RACGAP1: variants seen among roughly 807,000 people sequenced by gnomAD.
The protein encoded by RACGAP1 is rac GTPase-activating protein 1.
In RACGAP1, 30 loss-of-function variants were observed where a neutral mutation model predicts 78.1. The observed-to-expected ratio is 0.38, with a 90% CI of 0.29 to 0.52. The LOEUF is 0.52. Ranked by LOEUF, RACGAP1 falls within the 20% of genes least tolerant of loss-of-function variation. RACGAP1 has a pLI of 0.82. For missense variants in RACGAP1, 587 were observed against 777.1 expected (o/e 0.76, Z 2.91); for synonymous variants, 231 against 264.8 (o/e 0.87, Z 1.24).
At chr12:49,992,858 C>T (rs1032377064) in intron 12 of RACGAP1, among the ~76,000 whole-genome samples, 4 of 152,174 alleles carry the variant, frequency 2.6e-5, no homozygotes, top group Admixed American at 6.5e-5. Context: ...TTTAAAAAAT[C>T]GGCCTTTGCA....
At chr12:50,011,032 C>T (rs186610649) in intron 2 of RACGAP1, among the ~76,000 whole-genome samples, 299 of 151,782 alleles carry the variant, frequency 2.0e-3, no homozygotes, top group Non-Finnish European at 3.7e-3. Context: ...GTGGGGAATT[C>T]CTAAGGATCT....
At chr12:50,032,670 G>A (rs757064111) in intron 1 of RACGAP1, among the ~76,000 whole-genome samples, 3 of 152,172 alleles carry the variant, frequency 2.0e-5, no homozygotes, top group Non-Finnish European at 2.9e-5. Context: ...AACCGGAGAA[G>A]CTTGAGAGCT....
intron 10 of RACGAP1, among the ~76,000 whole-genome samples, chr12:49,996,645 AAAAAAAAAAAAAAAAAAAAAAAAT>A: frequency 7.2e-6 from 1 of 139,066 alleles, no homozygotes; most frequent in African/African-American, 2.7e-5. Flanking sequence ...AAAAAAAAAA[AAAAAAAAAAAAAAAAAAAAAAAAT>A]GGACACAAGT....
intron 9 of RACGAP1, among the ~76,000 whole-genome samples, chr12:49,998,023 G>A (rs1395339258): frequency 2.0e-5 from 3 of 152,226 alleles, no homozygotes; most frequent in African/African-American, 7.2e-5. Context: ...CAGAAGCAAA[G>A]AGAGTTTAAG....
chr12:50,021,006 G>T, intron 1 of RACGAP1: 1 of 480,042 alleles, frequency 2.1e-6, no homozygotes, highest in Non-Finnish European at 2.7e-6. Context: ...TTCTATATCA[G>T]TACTAACTCT....
rs778585223 is a variant in RACGAP1, at chr12:49,992,574, G to A, written c.1421C>T (p.Ala474Val). The change falls in exon 13 of 17, where the codon GCT (alanine) becomes GTT (valine). Residue 474 changes from alanine to valine, a missense_variant. Coordinates refer to ENST00000312377, the MANE Select transcript of RACGAP1 (RefSeq NM_001319999.2). Reference sequence around the variant, plus strand: ...CCTCTGCAAGTGAATCATGAGGAAAGCTAATGTGTCCCTGTTGGCCTGGGG... The same window carrying A: ...CCTCTGCAAGTGAATCATGAGGAAAACTAATGTGTCCCTGTTGGCCTGGGG... ...ELPQANRDTL[A>V]FLMIHLQRVA... The A allele has an allele frequency of 1.9e-6, 3 of 1,614,078 alleles. No homozygotes were observed. In the East Asian group the frequency reaches 6.7e-5, roughly 36 times the overall value.
At chr12:50,028,711 G>A (rs995818717), upstream of RACGAP1, among the ~76,000 whole-genome samples, 2 of 152,144 alleles carry the variant, frequency 1.3e-5, no homozygotes, top group Non-Finnish European at 2.9e-5. Context: ...GGCACAGGTC[G>A]CGGTGAGCTG....
chr12:49,997,340 T>C, intron 9 of RACGAP1, 136 bp from the exon 10 acceptor site: 1 of 1,280,520 alleles, frequency 7.8e-7, no homozygotes. Flanking sequence ...AGTGGTGTGA[T>C]TTCAGCTCAC....
chr12:49,997,067 C>A lies in RACGAP1; in HGVS notation c.1017G>T (p.Leu339=), dbSNP rs774971731. The A allele has an allele frequency of 1.7e-5, 26 of 1,564,734 alleles. No individual in the cohort carries two copies. In the East Asian group the frequency reaches 6.0e-4, roughly 36 times the overall value. The change falls in exon 10 of 17, where the codon CTG becomes CTT. Residue 339 remains leucine, a synonymous_variant. Transcript: ENST00000312377. The part of the protein sequence containing the change: ...DRCPLPCIPT[L]IGTPVKIGEG... ...CTCCAATCTTGACAGGTGTTCCTAT[C>A]AGGGTAGGAATGCAGGGAAGGGGAC... is the stretch of plus-strand genomic sequence containing the variant.
chr12:49,999,439 T>C (rs949294119), intron 8 of RACGAP1, 168 bp from the exon 9 acceptor site: 2 of 1,036,530 alleles, frequency 1.9e-6, no homozygotes, highest in Non-Finnish European at 2.8e-6. Context: ...GTTATGCCAG[T>C]GGGCTAGCAA....
At chr12:49,991,479 A>ATATATATATATATATATATATATT (rs1555169074) in intron 15 of RACGAP1, among the ~76,000 whole-genome samples, 4 of 24,090 alleles carry the variant, frequency 1.7e-4, no homozygotes, top group Non-Finnish European at 3.4e-4. Context: ...ATATATATAT[A>ATATATATATATATATATATATATT]TTTTTTTTTT....
intron 3 of RACGAP1, among the ~76,000 whole-genome samples, chr12:50,006,202 TTAAG>T (rs1382028337): frequency 2.0e-5 from 3 of 152,220 alleles, no homozygotes; most frequent in Non-Finnish European, 4.4e-5. Flanking sequence ...AATCTGTCTG[TTAAG>T]TAAGTTTCAA....
At chr12:50,020,318 C>G (rs1293763267) in intron 1 of RACGAP1, among the ~76,000 whole-genome samples, 1 of 148,558 alleles carries the variant, frequency 6.7e-6, no homozygotes, top group East Asian at 2.0e-4. Context: ...GCTGGGATTA[C>G]AGGTGCCCAC....
intron 15 of RACGAP1, among the ~76,000 whole-genome samples, chr12:49,991,475 ATATATTTTTT>A (rs1457398313): frequency 0.033 from 1,113 of 33,464 alleles, 8 homozygotes; most frequent in Non-Finnish European, 0.061. Context: ...ATATATATAT[ATATATTTTTT>A]TTTTTTTTTT....
intron 1 of RACGAP1, among the ~76,000 whole-genome samples, chr12:50,022,958 T>C (rs1342414222): frequency 6.6e-6 from 1 of 152,216 alleles, no homozygotes; most frequent in Middle Eastern, 3.2e-3. Flanking sequence ...TTCTCTAACA[T>C]TACCCTGCTT....
intron 2 of RACGAP1, 135 bp downstream of exon 2, chr12:50,016,496 G>A (rs139430052): frequency 0.012 from 10,980 of 886,158 alleles, 283 homozygotes; most frequent in Admixed American, 0.085. Context: ...CTTTGACCAC[G>A]TAAGTGATCA....
intron 2 of RACGAP1, among the ~76,000 whole-genome samples, chr12:50,007,409 G>C (rs1159262773): frequency 6.6e-6 from 1 of 152,178 alleles, no homozygotes; most frequent in Non-Finnish European, 1.5e-5. Flanking sequence ...TCCTGCTATT[G>C]GCAAAGCTGT....
chr12:50,020,336 C>G (rs1949938163), intron 1 of RACGAP1, among the ~76,000 whole-genome samples: 1 of 77,032 alleles, frequency 1.3e-5, no homozygotes, highest in East Asian at 4.4e-4. Flanking sequence ...CACCACCAGG[C>G]CCAGCTAATT....
intron 1 of RACGAP1, chr12:50,021,092 AT>A: frequency 4.1e-6 from 4 of 983,124 alleles, no homozygotes; most frequent in Non-Finnish European, 4.8e-6. Context: ...AATAGTTGTA[AT>A]TTTCCTGCTG....
Sources: gnomAD v4.1 joint callset for allele counts (sites outside exome capture counted in the v4.1 genomes callset) on GRCh38, gnomAD v4.1.1 for gene constraint, MANE v1.5 for transcripts, NCBI Gene and HGNC (gene_info 2026-07-23, HGNC 2026-07-21) for gene names.